BAALC: variants seen among roughly 807,000 people sequenced by gnomAD.
BAALC encodes brain and acute leukemia cytoplasmic protein.
BAALC carries 9 observed loss-of-function variants against 15.5 expected under a neutral mutation model. The ratio of observed to expected loss-of-function variants is 0.58; its 90% confidence interval spans 0.35 to 1.02. The LOEUF (loss-of-function observed/expected upper bound fraction) is 1.02. BAALC is among the 50% of genes least tolerant of loss of function. The pLI, the probability that BAALC is intolerant of heterozygous loss-of-function variation, is 0.02. For synonymous variants in BAALC, 80 were observed against 74.6 expected, an observed-to-expected ratio of 1.07 and a Z score of -0.37; for missense variants, 201 against 192.4, an observed-to-expected ratio of 1.04 and a Z score of -0.27.
At chr8:103,171,563 G>A (rs1041917277) in intron 1 of BAALC, among the ~76,000 whole-genome samples, 1 of 152,194 alleles carries the variant, frequency 6.6e-6, no homozygotes, top group Admixed American at 6.5e-5. Context: ...CCAGATTCTA[G>A]TCCCTCCACA....
intron 1 of BAALC, among the ~76,000 whole-genome samples, chr8:103,196,024 G>A (rs1812088276): frequency 2.0e-5 from 3 of 152,262 alleles, no homozygotes; most frequent in South Asian, 4.2e-4. Context: ...AAGTCAAGAT[G>A]GAGAATTAGG....
At chr8:103,200,558 A>T (rs1483655378) in intron 1 of BAALC, 1 of 456,554 alleles carries the variant, frequency 2.2e-6, no homozygotes, top group East Asian at 3.0e-5. Context: ...TAATTCAACC[A>T]AAGAGTAAAA....
intron 1 of BAALC, among the ~76,000 whole-genome samples, chr8:103,192,691 A>T (rs1248707205): frequency 6.6e-6 from 1 of 152,218 alleles, no homozygotes; most frequent in Non-Finnish European, 1.5e-5. Flanking sequence ...AAAAGGAGGC[A>T]GCACCCCCAA....
rs141016600 is a variant in BAALC, at chr8:103,177,461, A to C, written c.161-35458A>C. On this transcript the variant is annotated intron_variant, in intron 1 of 2. Coordinates refer to ENST00000309982, the MANE Select transcript of BAALC (RefSeq NM_024812.3). ...TGGCCTCCCAAAGCACTGGGAGTTT[A>C]TAGGCATAAGCCACTGTACCCGGCC... is the stretch of plus-strand genomic sequence containing the variant. Among the ~76,000 whole-genome samples the C allele has an allele frequency of 2.9e-3, 436 of 152,320 alleles. 3 individuals are homozygous for C. Among genetic ancestry groups the C allele is most frequent in the African/African-American group, 9.9e-3 (411 of 41,576 alleles).
chr8:103,224,725 T>C (rs1195186348), intron 2 of BAALC, among the ~76,000 whole-genome samples: 1 of 152,208 alleles, frequency 6.6e-6, no homozygotes, highest in Non-Finnish European at 1.5e-5. Context: ...CTCTATAGAA[T>C]GTGGATTTTT....
chr8:103,204,575 C>G (rs1303407086), intron 1 of BAALC, among the ~76,000 whole-genome samples: 1 of 151,998 alleles, frequency 6.6e-6, no homozygotes, highest in Non-Finnish European at 1.5e-5. Context: ...ATCTTTGATC[C>G]TTTTGACTTA....
chr8:103,204,545 A>C (rs1812287260), intron 1 of BAALC, among the ~76,000 whole-genome samples: 1 of 152,120 alleles, frequency 6.6e-6, no homozygotes, highest in Admixed American at 6.6e-5. Context: ...GTGTTTTATG[A>C]TTTTAGCCCT....
At chr8:103,141,292 T>G in intron 1 of BAALC, 1 of 473,762 alleles carries the variant, frequency 2.1e-6, no homozygotes, top group Non-Finnish European at 3.6e-6. Context: ...AGCAGCCCAA[T>G]GCTCTTTGGC....
chr8:103,155,506 C>T (rs1028465978), intron 1 of BAALC, among the ~76,000 whole-genome samples: 3 of 152,146 alleles, frequency 2.0e-5, no homozygotes, highest in Non-Finnish European at 4.4e-5. Context: ...ATCGGCCAGG[C>T]GCTGGATGCA....
rs758624549 is a variant in BAALC, at chr8:103,141,083, C to A, written c.160+26C>A. 103 of 1,413,146 alleles carry A rather than the reference C, an allele frequency of 7.3e-5. 1 individual carries two copies. The highest frequency in any genetic ancestry group is 9.2e-5 in the Non-Finnish European group (100 of 1,088,498). The allele number at this position is 1,413,146 out of a possible 1,614,324, so 87.5% of individuals were successfully genotyped here. A position where few individuals can be genotyped will look rare whatever the true frequency, so the allele number is the denominator to read the frequency against. On this transcript the variant is annotated intron_variant, in intron 1 of 2. Transcript: ENST00000309982. ...GTAAGTGGCCGGGCCCCTGCAGACC[C>A]TCGCCCGCCCGCTACCCCGGGCGCC...
intron 1 of BAALC, among the ~76,000 whole-genome samples, chr8:103,150,854 C>T (rs544184362): frequency 1.8e-4 from 28 of 152,136 alleles, no homozygotes; most frequent in Admixed American, 6.5e-4. Context: ...CGGCCAGATC[C>T]GGTCTCTGTT....
intron 1 of BAALC, among the ~76,000 whole-genome samples, chr8:103,151,082 A>G (rs889364776): frequency 2.1e-4 from 32 of 151,284 alleles, no homozygotes; most frequent in Non-Finnish European, 3.8e-4. Context: ...CAGTGGCTCA[A>G]TCTTAGCTCA....
intron 1 of BAALC, among the ~76,000 whole-genome samples, chr8:103,144,010 C>T (rs1029685082): frequency 2.0e-5 from 3 of 152,198 alleles, no homozygotes; most frequent in Admixed American, 1.3e-4. Flanking sequence ...CCCAACCCAA[C>T]GATTCCATTT....
rs1811162935 is a variant in BAALC, at chr8:103,159,003, A to T, written c.160+17946A>T. 2.0e-5 allele frequency among the ~76,000 whole-genome samples: 3 copies of T among 152,222 alleles called. No homozygotes were observed. In the South Asian group the frequency reaches 6.2e-4, roughly 32 times the overall value. On this transcript the variant is annotated intron_variant, in intron 1 of 2. Transcript: ENST00000309982. ...GATTTAGCCATTCAAGAATATATAC[A>T]TATATCAAAATATCATGTTGTACAC...
intron 1 of BAALC, among the ~76,000 whole-genome samples, chr8:103,203,162 C>T (rs937214917): frequency 2.0e-5 from 3 of 152,210 alleles, no homozygotes; most frequent in Non-Finnish European, 4.4e-5. Flanking sequence ...CATGGGGAAG[C>T]CATTTCCCCT....
chr8:103,168,509 T>G lies in BAALC; in HGVS notation c.160+27452T>G, dbSNP rs1321455777. On this transcript the variant is annotated intron_variant, in intron 1 of 2. Transcript: ENST00000309982. ...TGTTTGCTGCATTAAAAATATGTGT[T>G]TGTTTTTTTTTTTTTAATGTGAATG... Among the ~76,000 whole-genome samples the G allele has an allele frequency of 2.2e-5, 3 of 136,664 alleles. 1 individual carries two copies. Among genetic ancestry groups the G allele is most frequent in the East Asian group, 2.5e-4 (1 of 3,986 alleles). 89.7% of individuals were successfully genotyped at this position (136,664 alleles called of 152,430 possible).
intron 2 of BAALC, among the ~76,000 whole-genome samples, chr8:103,224,553 G>A (rs1044333861): frequency 2.0e-5 from 3 of 152,126 alleles, no homozygotes; most frequent in Admixed American, 6.5e-5. Context: ...AAAGGATTGT[G>A]GAGACCAAGT....
At position 103,140,810 on chromosome 8, in the gene BAALC, C is replaced by T; in HGVS notation, c.-88C>T. 8.4e-7 allele frequency: 1 copy of T among 1,197,064 alleles called. No homozygotes were observed. The highest frequency in any genetic ancestry group is 3.6e-5 in the East Asian group (1 of 28,136). 74.2% of individuals were successfully genotyped at this position (1,197,064 alleles called of 1,614,324 possible). The stretch of plus-strand genomic sequence containing the variant: ...GACGCGATGTCGCCGCCGCCGCCTC[C>T]TTGCGGGCCGGGGCTGCGCCTCCGG... On this transcript the variant is annotated 5_prime_UTR_variant, in exon 1 of 3. Coordinates refer to ENST00000309982, the MANE Select transcript of BAALC (RefSeq NM_024812.3). This position sits in a 1 kb window ranked among gnomAD's most constrained non-coding sequence, Gnocchi z 4.2.
chr8:103,161,674 A>T (rs1419276366), intron 1 of BAALC, among the ~76,000 whole-genome samples: 1 of 152,186 alleles, frequency 6.6e-6, no homozygotes, highest in African/African-American at 2.4e-5. Context: ...CTGAATGCAA[A>T]TGTAATTTTG....
Sources: allele counts gnomAD v4.1 joint callset (sites outside exome capture counted in the v4.1 genomes callset), GRCh38; gene constraint gnomAD v4.1.1; non-coding constraint Gnocchi (gnomAD v3.1); transcripts MANE v1.5; gene names NCBI Gene and HGNC (gene_info 2026-07-23, HGNC 2026-07-21).